The following PIGW variants were observed in gnomAD, a reference collection of about 807,000 sequenced individuals.
The protein encoded by PIGW is phosphatidylinositol glycan anchor biosynthesis class W.
A neutral mutation model predicts 34.0 loss-of-function variants in PIGW; 23 were observed. That is an observed-to-expected ratio of 0.68 (90% CI 0.49 to 0.96). The LOEUF (loss-of-function observed/expected upper bound fraction) is 0.96, where lower values mean the gene tolerates loss of function less well. PIGW is among the 40% of genes least tolerant of loss of function. The pLI is 0.00. For missense variants in PIGW, 574 were observed against 586.3 expected, an observed-to-expected ratio of 0.98 and a Z score of 0.22; for synonymous variants, 225 against 225.2, an observed-to-expected ratio of 1.00 and a Z score of 0.01.
Position 36,538,158 on chromosome 17 carries a change from TC to T in PIGW, c.1058del (p.Ser353PhefsTer4). On this transcript the variant is annotated frameshift_variant, in exon 2 of 2. Transcript: ENST00000614443. LOFTEE classifies it high-confidence loss of function. ...ACTGGCAGCTATTAGCCTCTTCATA[TC>T]TCTTTACGTAGTTCAAGTAAATGTA... ...LLLAAISLFISLYVVQVNVEA... is the reference protein window; with the variant it reads ...LLLAAISLFIXLYVVQVNVEA... 3 of 1,614,018 alleles carry T rather than the reference TC, an allele frequency of 1.9e-6. No homozygotes were observed. The highest frequency in any genetic ancestry group is 2.5e-6 in the Non-Finnish European group (3 of 1,179,994).
intron 1 of PIGW, among the ~76,000 whole-genome samples, chr17:36,536,094 CAAT>C (rs1408136319): frequency 1.3e-5 from 2 of 152,182 alleles, no homozygotes; most frequent in African/African-American, 2.4e-5. Context: ...GTTTTTCAGA[CAAT>C]GATGTGTGGC....
Position 36,538,710 on chromosome 17 carries a change from A to C in PIGW, c.*94A>C, listed in dbSNP as rs1047317776. 1 of 1,036,064 alleles carries C rather than the reference A, an allele frequency of 9.7e-7. No homozygotes were observed. Among genetic ancestry groups the C allele is most frequent in the African/African-American group, 1.6e-5 (1 of 61,322 alleles). 64.2% of individuals were successfully genotyped at this position (1,036,064 alleles called of 1,614,324 possible). A position where few individuals can be genotyped will look rare whatever the true frequency, so the allele number is the denominator to read the frequency against. The stretch of plus-strand genomic sequence containing the variant: ...TGCTTTTGGCAACAGTGTTAACCAT[A>C]TTTTATTATAAAATAGTTTCAGTCA... On this transcript the variant is annotated 3_prime_UTR_variant, in exon 2 of 2. Coordinates refer to ENST00000614443, the MANE Select transcript of PIGW (RefSeq NM_001346754.2).
rs1485474715 is a variant in PIGW, at chr17:36,535,596, C to T, written c.-9+4C>T. On this transcript the variant is annotated splice_donor_region_variant and intron_variant, in intron 1 of 1. Coordinates refer to ENST00000614443, the MANE Select transcript of PIGW (RefSeq NM_001346754.2). ...GGGGGCGCCGGCACCATTTGGAGTACGTGAGGTATACGGGTAGGGCGCGGC... is the reference window on the plus strand; with the variant it reads ...GGGGGCGCCGGCACCATTTGGAGTATGTGAGGTATACGGGTAGGGCGCGGC... 1 of 152,274 alleles carries T rather than the reference C, an allele frequency of 6.6e-6. No individual in the cohort carries two copies. The highest frequency in any genetic ancestry group is 2.4e-5 in the African/African-American group (1 of 41,468). 9.4% of individuals were successfully genotyped at this position (152,274 alleles called of 1,614,324 possible).
In PIGW at chr17:36,538,057, G is replaced by A. The variant is rs755772450; in HGVS notation, c.956G>A (p.Gly319Asp). ...GGGTATGTGGCAATACACATGGCTGGTGTGCAAACAGGGTTATATATGCAT... is the reference window on the plus strand; with the variant it reads ...GGGTATGTGGCAATACACATGGCTGATGTGCAAACAGGGTTATATATGCAT... ...TLGYVAIHMA[G>D]VQTGLYMHKN... The change falls in exon 2 of 2, where the codon GGT (glycine) becomes GAT (aspartate). Residue 319 changes from glycine (G) to aspartate (D), a missense_variant. Transcript: ENST00000614443. 2 of 1,614,034 alleles carry A rather than the reference G, an allele frequency of 1.2e-6. No homozygotes were observed. Among genetic ancestry groups the A allele is most frequent in the South Asian group, 1.1e-5 (1 of 91,080 alleles).
rs1398380218 is a variant in PIGW at position 36,537,784 on chromosome 17, A to G, written c.683A>G (p.His228Arg). 7 of 1,614,086 alleles carry G rather than the reference A, an allele frequency of 4.3e-6. No individual in the cohort carries two copies. The African/African-American group carries it at 9.3e-5, about 22-fold the overall frequency. Reference sequence around the variant, plus strand: ...ATAAAATCAATAGGCTATCAGGAACATTTAACAGAGTATGGAGTTCACTGG... The same window carrying G: ...ATAAAATCAATAGGCTATCAGGAACGTTTAACAGAGTATGGAGTTCACTGG... ...AIIKSIGYQE[H>R]LTEYGVHWNF... The change falls in exon 2 of 2, where the codon CAT becomes CGT. Residue 228 changes from histidine to arginine, a missense_variant. By Grantham distance (29) the His-to-Arg change is conservative. Coordinates refer to ENST00000614443, the MANE Select transcript of PIGW (RefSeq NM_001346754.2).
At chr17:36,536,944 T>G in intron 1 of PIGW, 150 bp from the exon 2 acceptor site, 1 of 629,322 alleles carries the variant, frequency 1.6e-6, no homozygotes, top group Non-Finnish European at 2.7e-6. Context: ...CCACAATCCT[T>G]GGAAGGGGAA....
Position 36,537,241 on chromosome 17 carries a change from G to A in PIGW, c.140G>A (p.Cys47Tyr), listed in dbSNP as rs1003625072. 3.7e-6 allele frequency: 6 copies of A among 1,613,980 alleles called. No homozygotes were observed. The South Asian group carries it at 5.5e-5, about 15-fold the overall frequency. The change falls in exon 2 of 2, where the codon TGT becomes TAT. Residue 47 changes from cysteine to tyrosine, a missense_variant. Coordinates refer to ENST00000614443, the MANE Select transcript of PIGW (RefSeq NM_001346754.2). ...CTGATCATTTTCTCACAGTACTTGT[G>A]TTCTTTTTCACCTACCTGGAAAACT... ...GFLIIFSQYL[C>Y]SFSPTWKTRF...
In PIGW at chr17:36,535,218, G is replaced by C. The variant is rs112946717; in HGVS notation, c.-383G>C. On this transcript the variant is annotated 5_prime_UTR_variant, in exon 1 of 2. Transcript: ENST00000614443. Reference sequence around the variant, plus strand: ...GGCGGAGTCTTGTGCGAGTGCGGCGGAGTGTTGTGCGAGGCCGGCGGACAC... The same window carrying C: ...GGCGGAGTCTTGTGCGAGTGCGGCGCAGTGTTGTGCGAGGCCGGCGGACAC... 1 of 152,070 alleles carries C rather than the reference G, an allele frequency of 6.6e-6. No individual in the cohort carries two copies. The highest frequency in any genetic ancestry group is 1.5e-5 in the Non-Finnish European group (1 of 68,088). 9.4% of individuals were successfully genotyped at this position (152,070 alleles called of 1,614,324 possible).
intron 1 of PIGW, among the ~76,000 whole-genome samples, chr17:36,536,047 T>C (rs1281279480): frequency 6.6e-6 from 1 of 152,186 alleles, no homozygotes; most frequent in Non-Finnish European, 1.5e-5. Flanking sequence ...AACTCTAGGT[T>C]CATGTTTAAC....
In PIGW at chr17:36,537,107, T is replaced by A. The variant is rs1414352651; in HGVS notation, c.6T>A (p.Ser2=). ...TTGTTTTCACAGGAAGAAAAATGTC[T>A]GAAAAGCAGATGAAGGAAGCTTTTG... M[S]EKQMKEAFVS... is the part of the protein sequence containing the mutation. Residue 2 remains serine, a synonymous_variant, in exon 2 of 2, where the codon TCT becomes TCA. Transcript: ENST00000614443. The A allele has an allele frequency of 6.3e-7, 1 of 1,584,662 alleles. No individual in the cohort carries two copies. Among genetic ancestry groups the A allele is most frequent in the South Asian group, 1.2e-5 (1 of 86,626 alleles).
chr17:36,536,963 C>T, intron 1 of PIGW, 131 bp from the exon 2 acceptor site: 1 of 699,910 alleles, frequency 1.4e-6, no homozygotes, highest in Non-Finnish European at 2.4e-6. Context: ...AATCACAAAT[C>T]CTAGGTGAAC....
chr17:36,537,818 C>T lies in PIGW; in HGVS notation c.717C>T (p.Phe239=). 1.2e-6 allele frequency: 2 copies of T among 1,614,086 alleles called. No individual in the cohort carries two copies. Among genetic ancestry groups the T allele is most frequent in the Non-Finnish European group, 1.7e-6 (2 of 1,180,008 alleles). The change falls in exon 2 of 2, where the codon TTC becomes TTT. Residue 239 remains phenylalanine (F), a synonymous_variant. Transcript: ENST00000614443. The stretch of plus-strand genomic sequence containing the variant: ...AGTATGGAGTTCACTGGAACTTTTT[C>T]TTTACCATAATAGTTGTGAAATTGA... ...LTEYGVHWNF[F]FTIIVVKLIT...
rs1452028917 is a variant in PIGW, at chr17:36,537,731, C to T, written c.630C>T (p.Val210=). The change falls in exon 2 of 2, where the codon GTC becomes GTT. Residue 210 remains valine (V), a synonymous_variant. Coordinates refer to ENST00000614443, the MANE Select transcript of PIGW (RefSeq NM_001346754.2). ...CATTGTACTCTGTTTGGCCATTAGT[C>T]TTCCTAGGAATCGGACGATTAGCCA... ...TNSLYSVWPL[V]FLGIGRLAII... 1.2e-6 allele frequency: 2 copies of T among 1,613,966 alleles called. No individual in the cohort carries two copies. Among genetic ancestry groups the T allele is most frequent in the Non-Finnish European group, 1.7e-6 (2 of 1,179,996 alleles).
At position 36,538,635 on chromosome 17, in the gene PIGW, A is replaced by T; in HGVS notation, c.*19A>T. 6.5e-7 allele frequency: 1 copy of T among 1,526,882 alleles called. No homozygotes were observed. 94.6% of individuals were successfully genotyped at this position (1,526,882 alleles called of 1,614,324 possible). A position where few individuals can be genotyped will look rare whatever the true frequency, so the allele number is the denominator to read the frequency against. On this transcript the variant is annotated 3_prime_UTR_variant, in exon 2 of 2. Transcript: ENST00000614443. The stretch of plus-strand genomic sequence containing the variant: ...TTGGTGATCAGCAGGAGTAGGATAT[A>T]TAAGTATTTGGGCAATATTTAATGA...
rs1480389554 is a variant in PIGW, at chr17:36,535,254, A to G, written c.-347A>G. On this transcript the variant is annotated 5_prime_UTR_variant, in exon 1 of 2. Coordinates refer to ENST00000614443, the MANE Select transcript of PIGW (RefSeq NM_001346754.2). The stretch of plus-strand genomic sequence containing the variant: ...GAGGCCGGCGGACACCATTACCCTG[A>G]TAGGGCCTCGCCGTGAGGTCTGAGG... The G allele has an allele frequency of 2.1e-5, 3 of 145,284 alleles. No homozygotes were observed. The highest frequency in any genetic ancestry group is 8.4e-5 in the African/African-American group (3 of 35,704). The allele number at this position is 145,284 out of a possible 1,614,324, so 9.0% of individuals were successfully genotyped here.
At position 36,538,273 on chromosome 17, in the gene PIGW, G is replaced by A. The variant is rs753063413; in HGVS notation, c.1172G>A (p.Gly391Asp). 1.1e-5 allele frequency: 18 copies of A among 1,613,286 alleles called. No homozygotes were observed. Among genetic ancestry groups the A allele is most frequent in the Non-Finnish European group, 1.4e-5 (17 of 1,179,894 alleles). The stretch of plus-strand genomic sequence containing the variant: ...ATCCTTCTTAGTAGTTTATTACTGG[G>A]TGATATAATTTTGAGTTTTGCCAAA... ...SLILLSSLLL[G>D]DIILSFAKFL... Residue 391 changes from glycine to aspartate, a missense_variant, in exon 2 of 2, where the codon GGT (glycine) becomes GAT (aspartate). By Grantham distance (94) the Gly-to-Asp change is moderately conservative. Transcript: ENST00000614443.
At chr17:36,536,527 T>C (rs1398270709) in intron 1 of PIGW, among the ~76,000 whole-genome samples, 1 of 145,660 alleles carries the variant, frequency 6.9e-6, no homozygotes, top group Non-Finnish European at 1.5e-5. Flanking sequence ...TCTTTTCCTT[T>C]TTTTTTTTTT....
At chr17:36,536,557 A>C (rs1599473355) in intron 1 of PIGW, among the ~76,000 whole-genome samples, 3 of 116,146 alleles carry the variant, frequency 2.6e-5, no homozygotes, top group Admixed American at 2.5e-4. Flanking sequence ...ATGGAGTCTC[A>C]CTCTGTGGCC....
Position 36,537,448 on chromosome 17 carries a change from T to G in PIGW, c.347T>G (p.Phe116Cys). 4 of 1,614,180 alleles carry G rather than the reference T, an allele frequency of 2.5e-6. No individual in the cohort carries two copies. The highest frequency in any genetic ancestry group is 3.4e-6 in the Non-Finnish European group (4 of 1,180,020). ...CCTTTCCTAAAAATCCTTGAAAAAT[T>G]CTTGAACATCAGTCTAGAATCAGAA... ...RLPFLKILEKFLNISLESEYN... is the reference protein window; with the variant it reads ...RLPFLKILEKCLNISLESEYN... The change falls in exon 2 of 2, where the codon TTC becomes TGC. Residue 116 changes from phenylalanine to cysteine, a missense_variant. Coordinates refer to ENST00000614443, the MANE Select transcript of PIGW (RefSeq NM_001346754.2).
Sources: allele counts gnomAD v4.1 joint callset (sites outside exome capture counted in the v4.1 genomes callset), GRCh38; gene constraint gnomAD v4.1.1; transcripts MANE v1.5; gene names NCBI Gene and HGNC (gene_info 2026-07-23, HGNC 2026-07-21).